The following CCNY variants were observed in gnomAD, a reference collection of about 807,000 sequenced individuals.
CCNY encodes the protein cyclin-Y.
In CCNY, 19 loss-of-function variants were observed where a neutral mutation model predicts 42.8. The ratio of observed to expected loss-of-function variants is 0.44; its 90% CI spans 0.31 to 0.65. CCNY has a LOEUF of 0.65. CCNY is among the 30% of genes least tolerant of loss of function. The pLI is 0.07. For missense variants in CCNY, 370 were observed against 437.3 expected, an observed-to-expected ratio of 0.85 and a Z score of 1.37; for synonymous variants, 165 against 162.7, an observed-to-expected ratio of 1.01 and a Z score of -0.11.
intron 3 of CCNY, among the ~76,000 whole-genome samples, chr10:35,254,900 T>C (rs1367041152): frequency 6.6e-6 from 1 of 152,014 alleles, no homozygotes; most frequent in African/African-American, 2.4e-5. Context: ...TCTATGAATT[T>C]TCCAGTTTTA....
At chr10:35,412,533 C>T (rs1837930033) in intron 1 of CCNY, among the ~76,000 whole-genome samples, 1 of 151,804 alleles carries the variant, frequency 6.6e-6, no homozygotes, top group Non-Finnish European at 1.5e-5. Context: ...GGGGGGACAT[C>T]CAGCCTAGCT....
rs149550698 is a variant in CCNY at position 35,510,993 on chromosome 10, T to A, written c.265-5530T>A. ...GCCTGTCTGGAGTGTCTCGTCCACATGAACTTGGCTCCTTGATCTGCCTGC... is the reference window on the plus strand; with the variant it reads ...GCCTGTCTGGAGTGTCTCGTCCACAAGAACTTGGCTCCTTGATCTGCCTGC... On this transcript the variant is annotated intron_variant, in intron 3 of 9. Transcript: ENST00000374704. Among the ~76,000 whole-genome samples the A allele has an allele frequency of 1.2e-4, 18 of 152,346 alleles. No homozygotes were observed. In the East Asian group the frequency reaches 3.5e-3, roughly 29 times the overall value.
At chr10:35,538,871 A>G (rs1229832940) in intron 7 of CCNY, among the ~76,000 whole-genome samples, 1 of 152,170 alleles carries the variant, frequency 6.6e-6, no homozygotes, top group Non-Finnish European at 1.5e-5. Flanking sequence ...CATGGTCATG[A>G]TGATTTACCC....
intron 1 of CCNY, among the ~76,000 whole-genome samples, chr10:35,375,112 T>C (rs1169439110): frequency 6.6e-6 from 1 of 152,162 alleles, no homozygotes; most frequent in Non-Finnish European, 1.5e-5. Flanking sequence ...AATTTTCTAT[T>C]GATGCCATAA....
intron 1 of CCNY, among the ~76,000 whole-genome samples, chr10:35,390,797 C>T (rs1837397445): frequency 1.3e-5 from 2 of 152,216 alleles, no homozygotes; most frequent in East Asian, 1.9e-4. Flanking sequence ...TCATGGAACT[C>T]CTGTATTATT....
At chr10:35,510,377 G>C (rs1261331228) in intron 3 of CCNY, among the ~76,000 whole-genome samples, 1 of 152,028 alleles carries the variant, frequency 6.6e-6, no homozygotes, top group Non-Finnish European at 1.5e-5. Flanking sequence ...ACCACACCTG[G>C]CTAATTTATT....
At chr10:35,465,368 G>A (rs187412660) in intron 1 of CCNY, among the ~76,000 whole-genome samples, 47 of 152,202 alleles carry the variant, frequency 3.1e-4, no homozygotes, top group African/African-American at 9.9e-4. Context: ...CAGTGAGGTC[G>A]TCACGTATAT....
intron 1 of CCNY, among the ~76,000 whole-genome samples, chr10:35,348,727 G>A (rs751258713): frequency 3.1e-4 from 47 of 152,196 alleles, no homozygotes; most frequent in Non-Finnish European, 5.6e-4. Flanking sequence ...TATTCTTAGC[G>A]ATGTTTGGGT....
chr10:35,259,778 C>T (rs2095718270), intron 3 of CCNY, among the ~76,000 whole-genome samples: 2 of 150,246 alleles, frequency 1.3e-5, no homozygotes, highest in South Asian at 4.2e-4. Context: ...TCCCAAAGTG[C>T]TGGGATTACA....
intron 7 of CCNY, among the ~76,000 whole-genome samples, chr10:35,549,107 C>T (rs1347010029): frequency 1.4e-5 from 2 of 145,516 alleles, no homozygotes; most frequent in African/African-American, 2.6e-5. Flanking sequence ...CACCCCACCC[C>T]CCCCCGCCCC....
At chr10:35,494,969 C>A (rs1444173065) in intron 2 of CCNY, among the ~76,000 whole-genome samples, 2 of 152,226 alleles carry the variant, frequency 1.3e-5, no homozygotes, top group African/African-American at 2.4e-5. Context: ...CAAGATGGAT[C>A]TGCAACTTAC....
chr10:35,480,738 A>G (rs1208075275), intron 1 of CCNY, among the ~76,000 whole-genome samples: 1 of 152,310 alleles, frequency 6.6e-6, no homozygotes, highest in South Asian at 2.1e-4. Flanking sequence ...AGGCTGAAGC[A>G]GGAGGATCAC....
At chr10:35,302,310 ATTT>A (rs145385043) in intron 3 of CCNY, among the ~76,000 whole-genome samples, 4 of 120,774 alleles carry the variant, frequency 3.3e-5, no homozygotes, top group Admixed American at 8.5e-5. Context: ...TGACATCTTA[ATTT>A]TTTTTTTTTT....
chr10:35,255,979 T>G (rs1327039785), intron 3 of CCNY, among the ~76,000 whole-genome samples: 1 of 152,214 alleles, frequency 6.6e-6, no homozygotes, highest in East Asian at 1.9e-4. Context: ...TTTAAAAAAT[T>G]TAAAGTCTAT....
At chr10:35,438,318 A>T (rs1383332412) in intron 1 of CCNY, among the ~76,000 whole-genome samples, 1 of 135,316 alleles carries the variant, frequency 7.4e-6, no homozygotes, top group African/African-American at 2.6e-5. Context: ...CTGACTAATT[A>T]AAAAAAAAAT....
chr10:35,406,098 C>G (rs889080796), intron 1 of CCNY, among the ~76,000 whole-genome samples: 1 of 151,780 alleles, frequency 6.6e-6, no homozygotes, highest in African/African-American at 2.4e-5. Flanking sequence ...TGCCATTACT[C>G]TATTACTGTA....
intron 1 of CCNY, among the ~76,000 whole-genome samples, chr10:35,354,236 A>T (rs1589054775): frequency 7.8e-6 from 1 of 128,078 alleles, no homozygotes; most frequent in South Asian, 2.6e-4. Flanking sequence ...CTCAGGCTGG[A>T]GTGTATTGGC....
At chr10:35,538,464 T>A (rs1840930556) in intron 7 of CCNY, among the ~76,000 whole-genome samples, 1 of 152,240 alleles carries the variant, frequency 6.6e-6, no homozygotes, top group Non-Finnish European at 1.5e-5. Context: ...CCACATCGCA[T>A]CCTTATCAAT....
At chr10:35,437,304 T>A (rs1039548993) in intron 1 of CCNY, among the ~76,000 whole-genome samples, 3 of 152,230 alleles carry the variant, frequency 2.0e-5, no homozygotes, top group African/African-American at 7.2e-5. Context: ...AAAGGCCTAA[T>A]AATTTGAAAT....
Sources: gnomAD v4.1 joint callset for allele counts (sites outside exome capture counted in the v4.1 genomes callset) on GRCh38, gnomAD v4.1.1 for gene constraint, MANE v1.5 for transcripts, NCBI Gene and HGNC (gene_info 2026-07-23, HGNC 2026-07-21) for gene names.